MEIS1: variants seen among roughly 807,000 people sequenced by gnomAD.
The protein encoded by MEIS1 is homeobox protein Meis1.
MEIS1 carries 5 observed loss-of-function variants against 50.8 expected under a neutral mutation model. The observed-to-expected ratio is 0.10, with a 90% CI of 0.05 to 0.21. The LOEUF (loss-of-function observed/expected upper bound fraction) is 0.21, where lower values mean the gene tolerates loss of function less well. Ranked by LOEUF, MEIS1 falls within the 10% of genes least tolerant of loss-of-function variation. MEIS1 has a pLI of 1.00. For synonymous variants in MEIS1, 176 were observed against 179.3 expected (o/e 0.98, Z 0.15); for missense variants, 318 against 517.3 (o/e 0.61, Z 3.74).
chr2:66,439,729 A>T, intron 2 of MEIS1, 114 bp from the exon 3 acceptor site: 1 of 1,581,480 alleles, frequency 6.3e-7, no homozygotes, highest in Non-Finnish European at 8.6e-7. Flanking sequence ...TAGATGACAC[A>T]ATCGGAGAGG....
intron 8 of MEIS1, among the ~76,000 whole-genome samples, chr2:66,529,966 C>T (rs1364292906): frequency 6.6e-6 from 1 of 152,096 alleles, no homozygotes; most frequent in Non-Finnish European, 1.5e-5. Flanking sequence ...AAGCAAGAAT[C>T]AAGGGCAGGC....
At chr2:66,440,225 C>A in intron 3 of MEIS1, 1 of 595,992 alleles carries the variant, frequency 1.7e-6, no homozygotes, top group Non-Finnish European at 2.9e-6. Context: ...CCCCACTCAC[C>A]CTCCAGAAAG....
At chr2:66,437,646 G>T (rs1158499595) in intron 1 of MEIS1, 91 bp from the exon 2 acceptor site, 1 of 1,127,826 alleles carries the variant, frequency 8.9e-7, no homozygotes, top group African/African-American at 1.5e-5. Flanking sequence ...GGACCCAGCT[G>T]TATTGACCTT....
intron 9 of MEIS1, among the ~76,000 whole-genome samples, chr2:66,548,722 C>T (rs1674850228): frequency 6.6e-6 from 1 of 152,174 alleles, no homozygotes; most frequent in Non-Finnish European, 1.5e-5. Flanking sequence ...AGCCAGGTTT[C>T]ATATAATCAC....
intron 8 of MEIS1, among the ~76,000 whole-genome samples, chr2:66,542,705 C>G (rs1674684886): frequency 6.6e-6 from 1 of 152,150 alleles, no homozygotes; most frequent in African/African-American, 2.4e-5. Context: ...CCAGCAAGCT[C>G]TGTACAGGAT....
At chr2:66,496,501 C>A (rs1480218666) in intron 7 of MEIS1, among the ~76,000 whole-genome samples, 1 of 152,076 alleles carries the variant, frequency 6.6e-6, no homozygotes, top group Admixed American at 6.6e-5. Context: ...AGGGCAATTG[C>A]CTCATAACTT....
At chr2:66,441,943 G>C (rs1671995641) in intron 5 of MEIS1, 1 of 163,182 alleles carries the variant, frequency 6.1e-6, no homozygotes, top group Non-Finnish European at 1.3e-5. Context: ...AGGAGGAGCG[G>C]GAAGGAGTCT....
chr2:66,485,121 T>C (rs1673111197), intron 7 of MEIS1, among the ~76,000 whole-genome samples: 1 of 152,168 alleles, frequency 6.6e-6, no homozygotes, highest in South Asian at 2.1e-4. Flanking sequence ...TAATATACTT[T>C]AAGTTCTGGG....
intron 8 of MEIS1, among the ~76,000 whole-genome samples, chr2:66,516,035 T>C (rs984700218): frequency 6.6e-6 from 1 of 152,240 alleles, no homozygotes; most frequent in African/African-American, 2.4e-5. Flanking sequence ...TCAGTTCTTT[T>C]GCTGCATAGT....
At position 66,572,010 on chromosome 2, in the gene MEIS1, T is replaced by C. The variant is rs1675498305; in HGVS notation, c.*802T>C. The C allele has an allele frequency of 6.2e-6, 1 of 161,164 alleles. No individual in the cohort carries two copies. The highest frequency in any genetic ancestry group is 1.3e-5 in the Non-Finnish European group (1 of 75,050). 10.0% of individuals were successfully genotyped at this position (161,164 alleles called of 1,614,324 possible). On this transcript the variant is annotated 3_prime_UTR_variant, in exon 13 of 13. Coordinates refer to ENST00000272369, the MANE Select transcript of MEIS1 (RefSeq NM_002398.3). ...TTCAGCCATGCGCGCGCTCTCTCTC[T>C]TTCTCTCTCTTTTCCTCTCTCTCCC...
At chr2:66,545,968 T>C (rs1572894519) in intron 8 of MEIS1, among the ~76,000 whole-genome samples, 1 of 152,220 alleles carries the variant, frequency 6.6e-6, no homozygotes, top group Non-Finnish European at 1.5e-5. Context: ...CATGGCATGG[T>C]ACAGCCATTC....
chr2:66,454,511 A>T (rs900990943), intron 6 of MEIS1, among the ~76,000 whole-genome samples: 2 of 152,044 alleles, frequency 1.3e-5, no homozygotes, highest in Non-Finnish European at 2.9e-5. Context: ...ACATTTCTGA[A>T]TACAAATACT....
chr2:66,567,758 A>G (rs1675386415), intron 10 of MEIS1: 2 of 628,312 alleles, frequency 3.2e-6, no homozygotes, highest in Admixed American at 2.7e-5. Context: ...CTCAGTTACA[A>G]TATTCTTTGT....
At chr2:66,487,323 A>C (rs1572847656) in intron 7 of MEIS1, among the ~76,000 whole-genome samples, 1 of 152,230 alleles carries the variant, frequency 6.6e-6, no homozygotes, top group East Asian at 1.9e-4. Context: ...CGTTTCAACA[A>C]TTGTTAACAT....
chr2:66,463,007 G>A (rs1320063844), intron 6 of MEIS1, among the ~76,000 whole-genome samples: 1 of 151,910 alleles, frequency 6.6e-6, no homozygotes, highest in South Asian at 2.1e-4. Flanking sequence ...CTCCCTGGGT[G>A]TCTGAGACAT....
In MEIS1 at chr2:66,435,547, T is replaced by G; in HGVS notation, c.-310T>G. The G allele has an allele frequency of 2.5e-6, 1 of 395,430 alleles. No individual in the cohort carries two copies. The highest frequency in any genetic ancestry group is 4.4e-6 in the Non-Finnish European group (1 of 226,550). The allele number at this position is 395,430 out of a possible 1,614,324, so 24.5% of individuals were successfully genotyped here. ...AGGGGCGCTCTTTTTTTTCCTTTTC[T>G]TTCTTTCTTTCTTTTTTTTTTTTTA... On this transcript the variant is annotated 5_prime_UTR_variant, in exon 1 of 13. Coordinates refer to ENST00000272369, the MANE Select transcript of MEIS1 (RefSeq NM_002398.3).
chr2:66,561,647 T>C (rs1336264508), intron 9 of MEIS1, among the ~76,000 whole-genome samples: 1 of 152,254 alleles, frequency 6.6e-6, no homozygotes, highest in Non-Finnish European at 1.5e-5. Flanking sequence ...AGTGTAGGTA[T>C]AGAAGGCATT....
At chr2:66,559,207 GC>G (rs1269881191) in intron 9 of MEIS1, among the ~76,000 whole-genome samples, 1 of 152,026 alleles carries the variant, frequency 6.6e-6, no homozygotes, top group Admixed American at 6.6e-5. Context: ...GTATATGGGG[GC>G]TGGTTGCCAT....
intron 8 of MEIS1, among the ~76,000 whole-genome samples, chr2:66,513,391 C>T (rs1009350589): frequency 6.6e-6 from 1 of 151,916 alleles, no homozygotes; most frequent in Non-Finnish European, 1.5e-5. Context: ...GCCTGTTTAC[C>T]TTCATACCTG....
Sources: gnomAD v4.1 joint callset for allele counts (sites outside exome capture counted in the v4.1 genomes callset) on GRCh38, gnomAD v4.1.1 for gene constraint, MANE v1.5 for transcripts, NCBI Gene and HGNC (gene_info 2026-07-23, HGNC 2026-07-21) for gene names.